Variants in PIK3R3 observed in about 807,000 individuals in gnomAD.
The protein encoded by PIK3R3 is phosphoinositide-3-kinase regulatory subunit 3.
Under a neutral mutation model 62.9 loss-of-function variants are expected in PIK3R3, and 64 were observed. That is an observed-to-expected ratio of 1.02 (90% CI 0.83 to 1.25). The LOEUF is 1.25. Among genes scored for constraint, PIK3R3 ranks in the 50% most tolerant of loss-of-function variants. PIK3R3 has a pLI of 0.00. For synonymous variants in PIK3R3, 165 were observed against 189.0 expected (o/e 0.87, Z 1.04); for missense variants, 614 against 561.6 (o/e 1.09, Z -0.94).
chr1:46,135,277 C>T (rs1278937403), upstream of PIK3R3, among the ~76,000 whole-genome samples: 2 of 152,216 alleles, frequency 1.3e-5, no homozygotes, highest in Non-Finnish European at 1.5e-5. Context: ...GCTCTAAGCA[C>T]TCAAGCTCCT....
At chr1:46,162,916 C>T in the PIK3R3 span, among the ~76,000 whole-genome samples, 1 of 152,270 alleles carries the variant, frequency 6.6e-6, no homozygotes, top group African/African-American at 2.4e-5. Context: ...AGCCACCATG[C>T]CCGACCGCAC....
At chr1:46,104,594 C>T (rs1653008971) in intron 1 of PIK3R3, among the ~76,000 whole-genome samples, 1 of 152,010 alleles carries the variant, frequency 6.6e-6, no homozygotes, top group South Asian at 2.1e-4. Context: ...GTTGCATTAC[C>T]ACAGTTCTAT....
chr1:46,101,817 T>C (rs888097592), intron 1 of PIK3R3, among the ~76,000 whole-genome samples: 6 of 152,164 alleles, frequency 3.9e-5, no homozygotes, highest in African/African-American at 1.4e-4. Context: ...TTAATGGTTA[T>C]AGAGTTTCTA....
the PIK3R3 span, among the ~76,000 whole-genome samples, chr1:46,149,286 A>G: frequency 6.6e-6 from 1 of 151,678 alleles, no homozygotes; most frequent in African/African-American, 2.4e-5. Context: ...GCCGAGCGTG[A>G]TAGCAGGTGC....
chr1:46,154,677 C>T, the PIK3R3 span, among the ~76,000 whole-genome samples: 9 of 152,126 alleles, frequency 5.9e-5, no homozygotes, highest in African/African-American at 1.2e-4. Flanking sequence ...CCCTGTCTCT[C>T]ACCTCATCTC....
the PIK3R3 span, among the ~76,000 whole-genome samples, chr1:46,146,750 CACACAG>C: frequency 7.4e-6 from 1 of 135,012 alleles, no homozygotes; most frequent in African/African-American, 2.8e-5. Flanking sequence ...CACACACACA[CACACAG>C]CTTTGGTCCT....
At chr1:46,168,016 T>TG in the PIK3R3 span, among the ~76,000 whole-genome samples, 3 of 151,958 alleles carry the variant, frequency 2.0e-5, no homozygotes, top group Admixed American at 1.3e-4. Flanking sequence ...ATTAGCTGTG[T>TG]GTGGTGGCGC....
At chr1:46,052,383 A>G (rs1181185947) in intron 7 of PIK3R3, among the ~76,000 whole-genome samples, 1 of 152,166 alleles carries the variant, frequency 6.6e-6, no homozygotes, top group African/African-American at 2.4e-5. Context: ...AGCTAGCCTT[A>G]ACTCATGAGG....
chr1:46,049,904 G>C (rs1647217614), intron 7 of PIK3R3, among the ~76,000 whole-genome samples: 2 of 152,146 alleles, frequency 1.3e-5, no homozygotes, highest in Admixed American at 6.5e-5. Context: ...AGGATCACCT[G>C]AGATCAGGAG....
chr1:46,154,562 T>G, the PIK3R3 span, among the ~76,000 whole-genome samples: 1 of 152,062 alleles, frequency 6.6e-6, no homozygotes, highest in Admixed American at 6.6e-5. Flanking sequence ...GAGCAATACC[T>G]GTCTCAAAAG....
In PIK3R3 at chr1:46,043,818, C is replaced by A. The variant is rs770341861; in HGVS notation, c.1241G>T (p.Gly414Val). 1.9e-6 allele frequency: 3 copies of A among 1,614,070 alleles called. No individual in the cohort carries two copies. The Admixed American group carries it at 5.0e-5, about 27-fold the overall frequency. Residue 414 changes from glycine (G) to valine (V), a missense_variant, in exon 10 of 10, where the codon GGC becomes GTC. Physicochemically the swap from Gly to Val is moderately radical, Grantham distance 109. Coordinates refer to ENST00000262741, the MANE Select transcript of PIK3R3 (RefSeq NM_003629.4). Reference sequence around the variant, plus strand: ...GTACAGGTTGTAGGGCTCTGCAAAGCCATAGCCCCGAGCAGTGCTGTAGAT... The same window carrying A: ...GTACAGGTTGTAGGGCTCTGCAAAGACATAGCCCCGAGCAGTGCTGTAGAT... ...CVIYSTARGY[G>V]FAEPYNLYSS...
At chr1:46,058,487 C>T (rs1448419395) in intron 6 of PIK3R3, among the ~76,000 whole-genome samples, 1 of 152,234 alleles carries the variant, frequency 6.6e-6, no homozygotes, top group Non-Finnish European at 1.5e-5. Context: ...CCTGTGAAAG[C>T]AGCCAGGAGG....
chr1:46,134,913 C>T (rs957512208), upstream of PIK3R3, among the ~76,000 whole-genome samples: 1 of 152,230 alleles, frequency 6.6e-6, no homozygotes, highest in Non-Finnish European at 1.5e-5. Flanking sequence ...AAGGCTGACA[C>T]ATGGAGTAAA....
intron 1 of PIK3R3, among the ~76,000 whole-genome samples, chr1:46,098,466 A>G (rs1652351001): frequency 6.6e-6 from 1 of 152,254 alleles, no homozygotes; most frequent in Non-Finnish European, 1.5e-5. Flanking sequence ...TTAACTGGTG[A>G]ATGGGAAAAC....
At chr1:46,128,429 T>C (rs1655282340) in intron 1 of PIK3R3, among the ~76,000 whole-genome samples, 1 of 152,088 alleles carries the variant, frequency 6.6e-6, no homozygotes, top group South Asian at 2.1e-4. Flanking sequence ...ACAGCGAGAC[T>C]CTGTCTTGAA....
Position 46,098,095 on chromosome 1 carries a change from T to A in PIK3R3, c.107-17345A>T, listed in dbSNP as rs939086139. 2.0e-5 allele frequency among the ~76,000 whole-genome samples: 3 copies of A among 152,038 alleles called. No homozygotes were observed. The East Asian group carries it at 5.8e-4, about 29-fold the overall frequency. ...AAAAATCAAGAGTATTTCTACACAC[T>A]AGCAATGAACAATCCAAAAATGAAA... On this transcript the variant is annotated intron_variant, in intron 1 of 9. Coordinates refer to ENST00000262741, the MANE Select transcript of PIK3R3 (RefSeq NM_003629.4).
chr1:46,143,512 C>G, the PIK3R3 span, among the ~76,000 whole-genome samples: 1 of 151,944 alleles, frequency 6.6e-6, no homozygotes, highest in Non-Finnish European at 1.5e-5. Context: ...GGTGTAATCA[C>G]AGCTCACTGC....
At chr1:46,165,307 T>TC in the PIK3R3 span, among the ~76,000 whole-genome samples, 14 of 145,036 alleles carry the variant, frequency 9.7e-5, no homozygotes, top group South Asian at 4.3e-4. Context: ...TTCTTCTTCT[T>TC]TTTTTTTTTT....
At chr1:46,136,795 G>A (rs1265847179), upstream of PIK3R3, among the ~76,000 whole-genome samples, 1 of 152,178 alleles carries the variant, frequency 6.6e-6, no homozygotes, top group Non-Finnish European at 1.5e-5. Context: ...CACTTTTGAT[G>A]TCTGCCCTTG....
Sources: allele counts gnomAD v4.1 joint callset (sites outside exome capture counted in the v4.1 genomes callset), GRCh38; gene constraint gnomAD v4.1.1; transcripts MANE v1.5; gene names NCBI Gene and HGNC (gene_info 2026-07-23, HGNC 2026-07-21).